GFUS: variants seen among roughly 807,000 people sequenced by gnomAD.
The protein encoded by GFUS is 3-5 epimerase/4-reductase.
GFUS carries 42 observed loss-of-function variants against 41.5 expected under a neutral mutation model. The observed-to-expected ratio is 1.01, with a 90% CI of 0.79 to 1.31. The LOEUF (loss-of-function observed/expected upper bound fraction) is 1.31, where lower values mean the gene tolerates loss of function less well. Among genes scored for constraint, GFUS ranks in the 50% most tolerant of loss-of-function variants. The pLI is 0.00. For synonymous variants in GFUS, 188 were observed against 173.4 expected (o/e 1.08, Z -0.66); for missense variants, 437 against 428.7 (o/e 1.02, Z -0.17).
At chr8:143,617,679 C>T (rs1350330488), upstream of GFUS, 1 of 152,110 alleles carries the variant, frequency 6.6e-6, no homozygotes, top group Non-Finnish European at 1.5e-5. Flanking sequence ...CAGTCTCGTC[C>T]GCCGGCCGCG....
chr8:143,616,982 C>G (rs1254522499), intron 1 of GFUS: 2 of 546,318 alleles, frequency 3.7e-6, no homozygotes, highest in Admixed American at 3.1e-5. Flanking sequence ...CCCCACTAGG[C>G]CGAGAAAAGG....
In GFUS at chr8:143,614,891, TGTC is replaced by T. The variant is rs1563687389; in HGVS notation, c.283_285del (p.Asp95del). 6.2e-7 allele frequency: 1 copy of T among 1,611,212 alleles called. No individual in the cohort carries two copies. The highest frequency in any genetic ancestry group is 1.3e-5 in the African/African-American group (1 of 75,002). On this transcript the variant is annotated inframe_deletion, in exon 4 of 11. Transcript: ENST00000425753. Reference sequence around the variant, plus strand: ...ACCTCAAAGGCCGAGTGCAGGACGTTGTCGTTCATGTGCACGTTTTTCCTCTGC... The same window carrying T: ...ACCTCAAAGGCCGAGTGCAGGACGTTGTTCATGTGCACGTTTTTCCTCTGC...
intron 1 of GFUS, chr8:143,617,013 C>G (rs986942437): frequency 6.8e-6 from 3 of 439,006 alleles, no homozygotes; most frequent in African/African-American, 2.0e-5. Flanking sequence ...TCCCCTCTGA[C>G]TGACAAGAGG....
chr8:143,613,937 G>A, intron 7 of GFUS, 120 bp from the exon 8 acceptor site: 2 of 1,244,248 alleles, frequency 1.6e-6, no homozygotes, highest in Non-Finnish European at 2.3e-6. Context: ...GGGGAACAGG[G>A]GTCCCTCCTT....
Position 143,612,927 on chromosome 8 carries a change from C to T in GFUS, c.949G>A (p.Glu317Lys), listed in dbSNP as rs780580509. Residue 317 changes from glutamate (E) to lysine (K), a missense_variant, in exon 11 of 11, where the codon GAG (glutamate) becomes AAG (lysine). Glu to Lys is a moderately conservative substitution (Grantham distance 56). Transcript: ENST00000425753. ...ETCAWFTDNYEQARK is the reference protein window; with the variant it reads ...ETCAWFTDNYKQARK The stretch of plus-strand genomic sequence containing the variant: ...TTCCAGCTTCACTTCCGGGCCTGCT[C>T]GTAGTTGTCAGTGAACCAAGCACAG... 5.6e-6 allele frequency: 9 copies of T among 1,609,902 alleles called. No homozygotes were observed. Among genetic ancestry groups the T allele is most frequent in the South Asian group, 2.2e-5 (2 of 90,338 alleles).
chr8:143,613,157 G>A, intron 10 of GFUS, 39 bp downstream of exon 10: 1 of 1,595,374 alleles, frequency 6.3e-7, no homozygotes, highest in Non-Finnish European at 8.6e-7. Flanking sequence ...GGCTGGGGCA[G>A]GCCTCCACCA....
At chr8:143,617,314 G>C (rs1421560936) in intron 1 of GFUS, 160 bp downstream of exon 1, 2 of 154,204 alleles carry the variant, frequency 1.3e-5, no homozygotes, top group African/African-American at 4.8e-5. Flanking sequence ...CGCAGGCGTC[G>C]CGCGGCTCCC....
At position 143,616,719 on chromosome 8, in the gene GFUS, T is replaced by G; in HGVS notation, c.-7A>C. 2 of 1,613,606 alleles carry G rather than the reference T, an allele frequency of 1.2e-6. No individual in the cohort carries two copies. The highest frequency in any genetic ancestry group is 1.7e-6 in the Non-Finnish European group (2 of 1,179,976). ...ATCCCTGGGGTTCACCCATGTCAGT[T>G]GCACCTGTAATGTCAAACAGTGGGA... On this transcript the variant is annotated 5_prime_UTR_variant, in exon 2 of 11. Coordinates refer to ENST00000425753, the MANE Select transcript of GFUS (RefSeq NM_003313.4).
chr8:143,613,814 G>A lies in GFUS; in HGVS notation c.667C>T (p.Leu223=). The part of the protein sequence containing the change: ...PRRQFIYSLD[L]AQLFIWVLRE... ...AGGACCCAGATAAAGAGCTGGGCCAGGTCCTAGAGGTCAGACAGGCAGGGT... is the reference window on the plus strand; with the variant it reads ...AGGACCCAGATAAAGAGCTGGGCCAAGTCCTAGAGGTCAGACAGGCAGGGT... Residue 223 remains leucine (L), a synonymous_variant, in exon 8 of 11, where the codon CTG becomes TTG. Transcript: ENST00000425753. The A allele has an allele frequency of 6.4e-7, 1 of 1,550,782 alleles. No homozygotes were observed. The highest frequency in any genetic ancestry group is 8.7e-7 in the Non-Finnish European group (1 of 1,146,978).
At chr8:143,614,553 C>A (rs2131414193) in intron 5 of GFUS, 71 bp downstream of exon 5, 2 of 1,556,316 alleles carry the variant, frequency 1.3e-6, no homozygotes, top group South Asian at 2.4e-5. Context: ...ACCCGACCAG[C>A]CGGCCCCACC....
At chr8:143,617,119 C>A (rs1376576202) in intron 1 of GFUS, 4 of 221,622 alleles carry the variant, frequency 1.8e-5, no homozygotes, top group Non-Finnish European at 3.7e-5. Context: ...CGAGACGGCG[C>A]CTGTGTGCAG....
At position 143,612,776 on chromosome 8, in the gene GFUS, T is replaced by G; in HGVS notation, c.*134A>C. On this transcript the variant is annotated 3_prime_UTR_variant, in exon 11 of 11. Transcript: ENST00000425753. ...ATGGGGGCCCCACTGGAAAGATGCT[T>G]GGGGCTGCAGAGCGGATGGAATGCA... 2 of 1,145,468 alleles carry G rather than the reference T, an allele frequency of 1.7e-6. No homozygotes were observed. The highest frequency in any genetic ancestry group is 2.2e-5 in the Admixed American group (1 of 46,268). The allele number at this position is 1,145,468 out of a possible 1,614,324, so 71.0% of individuals were successfully genotyped here.
rs4634659 is a variant in GFUS at position 143,614,033 on chromosome 8, T to C, written c.663+131A>G. ...CACGAGGACCAGAGATGGCTCCTCT[T>C]GGAGCTCAGCCCAGATTCTCTGCTG... On this transcript the variant is annotated intron_variant, in intron 7 of 10. Transcript: ENST00000425753. 1,152,278 of 1,332,786 alleles carry C rather than the reference T, an allele frequency of 0.86. 498,804 individuals are homozygous for C. Among genetic ancestry groups the C allele is most frequent in the Non-Finnish European group, 0.88 (851,769 of 973,204 alleles). The allele number at this position is 1,332,786 out of a possible 1,614,324, so 82.6% of individuals were successfully genotyped here.
At chr8:143,616,423 C>T in intron 2 of GFUS, 144 bp downstream of exon 2, 5 of 1,346,874 alleles carry the variant, frequency 3.7e-6, no homozygotes, top group Non-Finnish European at 5.3e-6. Flanking sequence ...CCAAGCACAC[C>T]CAGGCCAGGC....
Position 143,612,863 on chromosome 8 carries a change from G to T in GFUS, c.*47C>A, listed in dbSNP as rs750895970. The T allele has an allele frequency of 2.5e-6, 4 of 1,575,406 alleles. No homozygotes were observed. The highest frequency in any genetic ancestry group is 3.6e-5 in the Admixed American group (2 of 55,150). ...AGGGTTGACGGGTGGTGGCCGCTGG[G>T]CTCTGCCAGCCGATGGTCCGCTGGC... On this transcript the variant is annotated 3_prime_UTR_variant, in exon 11 of 11. Transcript: ENST00000425753.
rs999974091 is a variant in GFUS, at chr8:143,614,226, T to C, written c.601A>G (p.Ser201Gly). 6.2e-7 allele frequency: 1 copy of C among 1,613,714 alleles called. No homozygotes were observed. Residue 201 changes from serine to glycine, a missense_variant and splice_region_variant, in exon 7 of 11, where the codon AGC (serine) becomes GGC (glycine). Coordinates refer to ENST00000425753, the MANE Select transcript of GFUS (RefSeq NM_003313.4). ...CCCCACACCGTCAGGGCCGAGCCGC[T>C]GCCTGCAGATTTGGGGAAGGAGCAG... Reference protein sequence around the residue: ...LIHKVHLAKSSGSALTVWGTG... With the variant: ...LIHKVHLAKSGGSALTVWGTG...
At position 143,614,699 on chromosome 8, in the gene GFUS, T is replaced by C; in HGVS notation, c.391-2A>G. 1 of 1,612,980 alleles carries C rather than the reference T, an allele frequency of 6.2e-7. No homozygotes were observed. The highest frequency in any genetic ancestry group is 8.5e-7 in the Non-Finnish European group (1 of 1,179,458). On this transcript the variant is annotated splice_acceptor_variant, in intron 4 of 10. Transcript: ENST00000425753. LOFTEE classifies it high-confidence loss of function. Reference sequence around the variant, plus strand: ...GTTGTGGGGAGGCCCATTGTGGATCTGCGGGCGTGGGAGAGGCAGAGGCCG... The same window carrying C: ...GTTGTGGGGAGGCCCATTGTGGATCCGCGGGCGTGGGAGAGGCAGAGGCCG...
chr8:143,617,976 G>C (rs576842659), upstream of GFUS: 1 of 152,314 alleles, frequency 6.6e-6, no homozygotes, highest in Admixed American at 6.5e-5. Flanking sequence ...AGCCCGGGTT[G>C]TCGTCCCAAG....
intron 1 of GFUS, chr8:143,616,983 C>G (rs1829744034): frequency 1.9e-6 from 1 of 540,316 alleles, no homozygotes; most frequent in Non-Finnish European, 3.3e-6. Context: ...CCCACTAGGC[C>G]GAGAAAAGGT....
Sources: allele counts gnomAD v4.1 joint callset, GRCh38; gene constraint gnomAD v4.1.1; transcripts MANE v1.5; gene names NCBI Gene and HGNC (gene_info 2026-07-23, HGNC 2026-07-21).